Variants in PLK5 observed in about 807,000 individuals in gnomAD.
The protein encoded by PLK5 is inactive serine/threonine-protein kinase PLK5.
A neutral mutation model predicts 33.7 loss-of-function variants in PLK5; 28 were observed. The observed-to-expected ratio is 0.83, with a 90% CI of 0.62 to 1.14. The LOEUF is 1.14. Among genes scored for constraint, PLK5 ranks in the 50% most tolerant of loss-of-function variants. The pLI, the probability that PLK5 is intolerant of heterozygous loss-of-function variation, is 0.00. For missense variants in PLK5, 492 were observed against 461.5 expected (o/e 1.07, Z -0.61); for synonymous variants, 225 against 202.2 (o/e 1.11, Z -0.96).
intron 11 of PLK5, 142 bp from the exon 12 acceptor site, chr19:1,531,596 C>T (rs766067560): frequency 5.0e-4 from 482 of 968,668 alleles, no homozygotes; most frequent in Non-Finnish European, 6.6e-4. Context: ...TCCTAGAATC[C>T]ACCACCGAAG....
Position 1,528,371 on chromosome 19 carries a change from C to G in PLK5, c.271C>G (p.Leu91Val). The change falls in exon 8 of 14, where the codon CTG becomes GTG. Residue 91 changes from leucine (L) to valine (V), a missense_variant. Leu to Val is a conservative substitution (Grantham distance 32). Coordinates refer to ENST00000454744, the MANE Select transcript of PLK5 (RefSeq NM_001243079.2). ...CCCCATCTTCGCCATACCCCCGCCT[C>G]TGGGCAGGATCTTCCGGAAGGTGGG... ...SPPIFAIPPP[L>V]GRIFRKVGQR... The G allele has an allele frequency of 6.5e-7, 1 of 1,535,732 alleles. No individual in the cohort carries two copies.
intron 6 of PLK5, 96 bp downstream of exon 6, chr19:1,527,094 G>A: frequency 7.6e-7 from 1 of 1,315,732 alleles, no homozygotes; most frequent in East Asian, 2.6e-5. Context: ...CCGTTGTGCA[G>A]GGTGGGGCGC....
intron 11 of PLK5, among the ~76,000 whole-genome samples, 177 bp from the exon 12 acceptor site, chr19:1,531,561 C>T (rs1234913405): frequency 6.6e-6 from 1 of 152,182 alleles, no homozygotes; most frequent in East Asian, 1.9e-4. Context: ...AGTTACGGTT[C>T]CGTGGCTTCT....
chr19:1,535,382 C>A lies in PLK5; in HGVS notation c.*132C>A. ...GGGCACACGGGAGGTGGGTTCTTGC[C>A]TTGTGGCATGACTGTTCAACCCAGA... On this transcript the variant is annotated 3_prime_UTR_variant, in exon 14 of 14. Transcript: ENST00000454744. 1 of 1,005,776 alleles carries A rather than the reference C, an allele frequency of 9.9e-7. No homozygotes were observed. The highest frequency in any genetic ancestry group is 1.4e-6 in the Non-Finnish European group (1 of 715,300). The allele number at this position is 1,005,776 out of a possible 1,614,324, so 62.3% of individuals were successfully genotyped here.
chr19:1,528,928 C>A lies in PLK5; in HGVS notation c.359C>A (p.Pro120Gln). The A allele has an allele frequency of 2.0e-6, 3 of 1,517,730 alleles. No homozygotes were observed. Among genetic ancestry groups the A allele is most frequent in the Non-Finnish European group, 2.6e-6 (3 of 1,138,394 alleles). The allele number at this position is 1,517,730 out of a possible 1,614,324, so 94.0% of individuals were successfully genotyped here. A position where few individuals can be genotyped will look rare whatever the true frequency, so the allele number is the denominator to read the frequency against. The change falls in exon 9 of 14, where the codon CCA becomes CAA. Residue 120 changes from proline to glutamine, a missense_variant. Coordinates refer to ENST00000454744, the MANE Select transcript of PLK5 (RefSeq NM_001243079.2). ...TTCACGCCTAAAGAGGCCTCGGGTCCAGGAGAAGGTGGGCCAGACCCTGAC... is the reference window on the plus strand; with the variant it reads ...TTCACGCCTAAAGAGGCCTCGGGTCAAGGAGAAGGTGGGCCAGACCCTGAC... ...CPFTPKEASG[P>Q]GEGGPDPDSM...
At chr19:1,527,864 T>C in intron 6 of PLK5, 72 bp from the exon 7 acceptor site, 3 of 1,433,980 alleles carry the variant, frequency 2.1e-6, no homozygotes, top group Non-Finnish European at 2.8e-6. Context: ...TGTAGGCAGG[T>C]CTGGCCAAGT....
rs1913754126 is a variant in PLK5, at chr19:1,526,800, C to CG, written c.-95+15dup. On this transcript the variant is annotated intron_variant, in intron 5 of 13. Coordinates refer to ENST00000454744, the MANE Select transcript of PLK5 (RefSeq NM_001243079.2). ...GGGGGCCGCTGCCACAGGTGAGAGC[C>CG]GGGGGGAGGGCTCTGAGCAGTCCGT... 9.1e-6 allele frequency: 6 copies of CG among 662,702 alleles called. No homozygotes were observed. Among genetic ancestry groups the CG allele is most frequent in the Non-Finnish European group, 1.6e-5 (6 of 384,706 alleles). 41.1% of individuals were successfully genotyped at this position (662,702 alleles called of 1,614,324 possible).
At chr19:1,529,593 C>T (rs1009831297) in intron 10 of PLK5, 103 bp downstream of exon 10, 2 of 1,419,450 alleles carry the variant, frequency 1.4e-6, no homozygotes, top group African/African-American at 1.4e-5. Context: ...CAGCCGCCGT[C>T]CCGGCCTCAC....
At position 1,528,009 on chromosome 19, in the gene PLK5, G is replaced by C; in HGVS notation, c.76G>C (p.Gly26Arg). 6.5e-7 allele frequency: 1 copy of C among 1,536,090 alleles called. No homozygotes were observed. Among genetic ancestry groups the C allele is most frequent in the Non-Finnish European group, 8.7e-7 (1 of 1,146,874 alleles). Residue 26 changes from glycine to arginine, a missense_variant, in exon 7 of 14, where the codon GGC (glycine) becomes CGC (arginine). Transcript: ENST00000454744. Reference protein sequence around the residue: ...LSEMYQNIREGHYPEPAHLSA... With the variant: ...LSEMYQNIRERHYPEPAHLSA... ...GGAGATGTACCAAAACATCCGTGAG[G>C]GCCACTACCCCGAACCCGCTCACCT... is the stretch of plus-strand genomic sequence containing the variant.
rs1211188054 is a variant in PLK5, at chr19:1,528,394, G to A, written c.294G>A (p.Val98=). 6.5e-7 allele frequency: 1 copy of A among 1,535,270 alleles called. No individual in the cohort carries two copies. Among genetic ancestry groups the A allele is most frequent in the Non-Finnish European group, 8.7e-7 (1 of 1,146,626 alleles). ...PPPLGRIFRK[V]GQRLLTQCRP... is the part of the protein sequence containing the mutation. ...CTCTGGGCAGGATCTTCCGGAAGGT[G>A]GGCCAGCGGCTGCTCACCCAGTGCC... The change falls in exon 8 of 14, where the codon GTG becomes GTA. Residue 98 remains valine, a synonymous_variant. Coordinates refer to ENST00000454744, the MANE Select transcript of PLK5 (RefSeq NM_001243079.2).
At chr19:1,534,571 C>T (rs996107312) in intron 13 of PLK5, among the ~76,000 whole-genome samples, 7 of 148,460 alleles carry the variant, frequency 4.7e-5, no homozygotes, top group Non-Finnish European at 1.0e-4. Context: ...TTTGGGAGGC[C>T]GAGGTGGGCA....
Position 1,534,025 on chromosome 19 carries a change from G to T in PLK5, c.809G>T (p.Ser270Ile), listed in dbSNP as rs895638056. The T allele has an allele frequency of 6.5e-7, 1 of 1,535,598 alleles. No individual in the cohort carries two copies. The highest frequency in any genetic ancestry group is 1.4e-5 in the African/African-American group (1 of 73,010). Residue 270 changes from serine (S) to isoleucine (I), a missense_variant, in exon 13 of 14, where the codon AGC becomes ATC. Physicochemically the swap from Ser to Ile is moderately radical, Grantham distance 142. Coordinates refer to ENST00000454744, the MANE Select transcript of PLK5 (RefSeq NM_001243079.2). ...GAGCACGCCCTGCTGCTGCTGTTCA[G>T]CAATGGGATGGTGCAGGTGAGCCCG... is the stretch of plus-strand genomic sequence containing the variant. The part of the protein sequence containing the change: ...ASEHALLLLF[S>I]NGMVQVSFSG...
chr19:1,533,046 G>A (rs1913979134), intron 12 of PLK5, among the ~76,000 whole-genome samples: 1 of 151,896 alleles, frequency 6.6e-6, no homozygotes, highest in African/African-American at 2.4e-5. Flanking sequence ...GAGGTGGGAG[G>A]ATCACTTGGT....
chr19:1,527,039 GGGGCAGGTGTGGC>G, intron 6 of PLK5, 41 bp downstream of exon 6: 3 of 1,427,492 alleles, frequency 2.1e-6, no homozygotes, highest in Non-Finnish European at 2.8e-6. Context: ...GCCTCCGGGG[GGGGCAGGTGTGGC>G]GGGGGGGGAG....
chr19:1,527,036 G>T (rs1332816974), intron 6 of PLK5, 38 bp downstream of exon 6: 1 of 1,471,828 alleles, frequency 6.8e-7, no homozygotes, highest in Admixed American at 2.2e-5. Context: ...AGGGCCTCCG[G>T]GGGGGGCAGG....
intron 4 of PLK5, 25 bp downstream of exon 4, chr19:1,526,640 G>C: frequency 2.7e-6 from 1 of 377,200 alleles, no homozygotes; most frequent in South Asian, 2.3e-5. Context: ...GGGGAACTGT[G>C]GGCGGGGGCG....
intron 12 of PLK5, among the ~76,000 whole-genome samples, chr19:1,533,165 G>T (rs111882819): frequency 0.021 from 3,170 of 151,828 alleles, 108 homozygotes; most frequent in African/African-American, 0.069. Context: ...TGCTCTTGTT[G>T]CCCAGGCTGG....
intron 6 of PLK5, 28 bp from the exon 7 acceptor site, chr19:1,527,908 C>A: frequency 1.3e-6 from 2 of 1,525,486 alleles, no homozygotes; most frequent in African/African-American, 2.7e-5. Context: ...GCCTGGACAC[C>A]CAGGTTCTTG....
intron 6 of PLK5, 42 bp from the exon 7 acceptor site, chr19:1,527,894 C>A: frequency 6.6e-7 from 1 of 1,509,496 alleles, no homozygotes. Flanking sequence ...TAGCTCTGAG[C>A]GATGCCTGGA....
Sources: allele counts gnomAD v4.1 joint callset (sites outside exome capture counted in the v4.1 genomes callset), GRCh38; gene constraint gnomAD v4.1.1; transcripts MANE v1.5; gene names NCBI Gene and HGNC (gene_info 2026-07-23, HGNC 2026-07-21).